The following SGCD variants were observed in gnomAD, a reference collection of about 807,000 sequenced individuals.
SGCD encodes the protein sarcoglycan delta, also known as delta-sarcoglycan.
In SGCD, 18 loss-of-function variants were observed where a neutral mutation model predicts 36.6. That is an observed-to-expected ratio of 0.49 (90% confidence interval 0.34 to 0.73). The LOEUF (loss-of-function observed/expected upper bound fraction) is 0.73, where lower values mean the gene tolerates loss of function less well. Ranked by LOEUF, SGCD falls within the 30% of genes least tolerant of loss-of-function variation. The probability of loss-of-function intolerance (pLI) is 0.01; values close to 1 mark genes in which losing one functional copy is unlikely to be tolerated. For missense variants in SGCD, 387 were observed against 346.7 expected (o/e 1.12, Z -0.92); for synonymous variants, 133 against 130.6 (o/e 1.02, Z -0.12).
intron 3 of SGCD, among the ~76,000 whole-genome samples, chr5:156,406,189 T>C (rs1380002444): frequency 6.6e-6 from 1 of 152,124 alleles, no homozygotes; most frequent in Non-Finnish European, 1.5e-5. Context: ...GCCACAGACC[T>C]TGGAGACTGC....
chr5:156,611,289 A>AT (rs1485211341), intron 6 of SGCD, among the ~76,000 whole-genome samples: 2 of 152,158 alleles, frequency 1.3e-5, no homozygotes, highest in South Asian at 2.1e-4. Context: ...TCCCTTAAGG[A>AT]TTTTTTGTAA....
intron 4 of SGCD, among the ~76,000 whole-genome samples, chr5:156,532,259 C>A (rs1757918847): frequency 6.6e-6 from 1 of 152,096 alleles, no homozygotes; most frequent in Non-Finnish European, 1.5e-5. Flanking sequence ...TATTGAATAT[C>A]TGTAACTTTA....
At chr5:156,619,829 T>C (rs148822495) in intron 6 of SGCD, among the ~76,000 whole-genome samples, 1 of 152,344 alleles carries the variant, frequency 6.6e-6, no homozygotes, top group East Asian at 1.9e-4. Context: ...GTACTAAAAA[T>C]ATTCTCTTAC....
chr5:156,401,923 A>C (rs1369540200), intron 3 of SGCD, among the ~76,000 whole-genome samples: 1 of 152,000 alleles, frequency 6.6e-6, no homozygotes, highest in Non-Finnish European at 1.5e-5. Context: ...TTCCCATTAC[A>C]TAATAACTCC....
chr5:156,022,649 T>C (rs549318388), intron 1 of SGCD, among the ~76,000 whole-genome samples: 1 of 152,354 alleles, frequency 6.6e-6, no homozygotes, highest in South Asian at 2.1e-4. Flanking sequence ...AATATTTTTG[T>C]GGCAAATATT....
chr5:156,470,040 T>C (rs562867544), intron 3 of SGCD, among the ~76,000 whole-genome samples: 3 of 152,346 alleles, frequency 2.0e-5, no homozygotes, highest in African/African-American at 7.2e-5. Flanking sequence ...GAGAAATATG[T>C]ATACATTATA....
the SGCD span, among the ~76,000 whole-genome samples, chr5:155,727,900 G>C: frequency 3.3e-5 from 5 of 152,200 alleles, no homozygotes; most frequent in Non-Finnish European, 7.3e-5. Flanking sequence ...TCTTCTCCCG[G>C]GAGTGGAGAG....
chr5:156,234,222 T>A (rs1003201780), intron 3 of SGCD, among the ~76,000 whole-genome samples: 2 of 152,204 alleles, frequency 1.3e-5, no homozygotes, highest in Non-Finnish European at 2.9e-5. Context: ...TATTTTTAGT[T>A]GGGTTGTCTA....
rs566268808 is a variant in SGCD, at chr5:156,459,798, A to C, written c.193-48803A>C. Among the ~76,000 whole-genome samples the C allele has an allele frequency of 2.6e-5, 4 of 152,262 alleles. No homozygotes were observed. The East Asian group carries it at 7.7e-4, about 29-fold the overall frequency. ...TCATAGGTTCAGCTGGACAGCATGC[A>C]TTTACCTCCTGTTTCCTTCTACAGA... On this transcript the variant is annotated intron_variant, in intron 3 of 8. Transcript: ENST00000337851.
At chr5:155,914,878 C>A (rs1428585371) in intron 1 of SGCD, among the ~76,000 whole-genome samples, 1 of 152,128 alleles carries the variant, frequency 6.6e-6, no homozygotes, top group Non-Finnish European at 1.5e-5. Flanking sequence ...CAATTCTTGG[C>A]AAATTTTTAG....
At chr5:156,106,137 AAAG>A (rs1761643204) in intron 1 of SGCD, among the ~76,000 whole-genome samples, 1 of 150,878 alleles carries the variant, frequency 6.6e-6, no homozygotes, top group African/African-American at 2.4e-5. Flanking sequence ...AAAAAAAAAA[AAAG>A]AAAGCAGGAG....
chr5:156,308,781 C>T (rs951953706), intron 3 of SGCD, among the ~76,000 whole-genome samples: 3 of 152,188 alleles, frequency 2.0e-5, no homozygotes, highest in African/African-American at 7.2e-5. Context: ...TATTGTAGGC[C>T]TTCAGTGTCC....
intron 4 of SGCD, among the ~76,000 whole-genome samples, chr5:156,549,419 C>G (rs978408058): frequency 6.6e-6 from 1 of 152,174 alleles, no homozygotes; most frequent in African/African-American, 2.4e-5. Context: ...TCCATGTCTT[C>G]CATCAAACAC....
At chr5:156,534,318 T>C (rs1162680650) in intron 4 of SGCD, among the ~76,000 whole-genome samples, 1 of 152,200 alleles carries the variant, frequency 6.6e-6, no homozygotes, top group African/African-American at 2.4e-5. Flanking sequence ...GTTCACAGTC[T>C]TAGGCCTCTA....
rs1757461286 is a variant in SGCD at position 156,759,582 on chromosome 5, A to C, written c.*192A>C. On this transcript the variant is annotated 3_prime_UTR_variant, in exon 9 of 9. Transcript: ENST00000337851. ...AATATATATAAATATATATAAATAA[A>C]TATATATATCCTCTGTATAAAATGA... The C allele has an allele frequency of 1.1e-5, 2 of 174,178 alleles. No homozygotes were observed. The highest frequency in any genetic ancestry group is 2.4e-3 in the Middle Eastern group (1 of 418). 10.8% of individuals were successfully genotyped at this position (174,178 alleles called of 1,614,324 possible). A position where few individuals can be genotyped will look rare whatever the true frequency, so the allele number is the denominator to read the frequency against.
At chr5:156,165,222 G>A (rs1347003054) in intron 3 of SGCD, among the ~76,000 whole-genome samples, 1 of 152,164 alleles carries the variant, frequency 6.6e-6, no homozygotes, top group Non-Finnish European at 1.5e-5. Context: ...GGGCCATTAA[G>A]AATGGTTTGC....
chr5:156,212,267 T>G (rs1405257181), intron 3 of SGCD, among the ~76,000 whole-genome samples: 2 of 152,204 alleles, frequency 1.3e-5, no homozygotes, highest in Non-Finnish European at 2.9e-5. Flanking sequence ...TGCAAGAAAC[T>G]CACTTCTCAT....
chr5:156,403,470 C>T (rs936166176), intron 3 of SGCD, among the ~76,000 whole-genome samples: 1 of 152,194 alleles, frequency 6.6e-6, no homozygotes, highest in Non-Finnish European at 1.5e-5. Context: ...CACAATTCCT[C>T]ATGTTTTCTG....
At chr5:156,014,309 T>G (rs1758919561) in intron 1 of SGCD, among the ~76,000 whole-genome samples, 1 of 152,184 alleles carries the variant, frequency 6.6e-6, no homozygotes, top group African/African-American at 2.4e-5. Context: ...TTTTAAACTT[T>G]TATTTTGAAA....
Sources: allele counts gnomAD v4.1 joint callset (sites outside exome capture counted in the v4.1 genomes callset), GRCh38; gene constraint gnomAD v4.1.1; transcripts MANE v1.5; gene names NCBI Gene and HGNC (gene_info 2026-07-23, HGNC 2026-07-21).